The following ERN2 variants were observed in gnomAD, a reference collection of about 807,000 sequenced individuals.
ERN2 encodes the protein serine/threonine-protein kinase/endoribonuclease IRE2.
Under a neutral mutation model 107.9 loss-of-function variants are expected in ERN2, and 111 were observed. The ratio of observed to expected loss-of-function variants is 1.03; its 90% confidence interval spans 0.88 to 1.20. The LOEUF is 1.20. Ranked by LOEUF, ERN2 falls within the 50% of genes most tolerant of loss-of-function variation. ERN2 has a pLI of 0.00. For missense variants in ERN2, 1,225 were observed against 1,197.9 expected, an observed-to-expected ratio of 1.02 and a Z score of -0.33; for synonymous variants, 524 against 501.7, an observed-to-expected ratio of 1.04 and a Z score of -0.59.
At chr16:23,700,431 G>A (rs1959998304) in intron 13 of ERN2, 108 bp downstream of exon 13, 1 of 1,099,394 alleles carries the variant, frequency 9.1e-7, no homozygotes, top group Admixed American at 2.3e-5. Context: ...AATTCATGTA[G>A]ACCTAACCAC....
intron 11 of ERN2, among the ~76,000 whole-genome samples, chr16:23,701,581 C>T (rs942682657): frequency 1.3e-5 from 2 of 151,532 alleles, no homozygotes; most frequent in African/African-American, 2.4e-5. Context: ...ACAATTTTTA[C>T]GCTGAAGAAG....
Position 23,690,655 on chromosome 16 carries a change from C to A in ERN2, c.*176G>T. The A allele has an allele frequency of 1.6e-6, 1 of 612,728 alleles. No individual in the cohort carries two copies. Among genetic ancestry groups the A allele is most frequent in the Non-Finnish European group, 2.9e-6 (1 of 347,730 alleles). The allele number at this position is 612,728 out of a possible 1,614,324, so 38.0% of individuals were successfully genotyped here. A position where few individuals can be genotyped will look rare whatever the true frequency, so the allele number is the denominator to read the frequency against. ...ATTTTTTGTAGAAATGGGGTGTTGC[C>A]ATGTTGGCCAGGCTGGTCTCGAACT... is the stretch of plus-strand genomic sequence containing the variant. On this transcript the variant is annotated 3_prime_UTR_variant, in exon 22 of 22. Transcript: ENST00000256797.
At chr16:23,712,106 C>T (rs1255933117) in intron 1 of ERN2, 4 of 437,084 alleles carry the variant, frequency 9.2e-6, no homozygotes, top group African/African-American at 6.1e-5. Flanking sequence ...TGCTTCAGGA[C>T]CCTCAGGTTT....
chr16:23,710,287 C>G (rs774814039), intron 3 of ERN2, 43 bp from the exon 4 acceptor site: 5 of 1,535,482 alleles, frequency 3.3e-6, no homozygotes, highest in Admixed American at 3.4e-5. Flanking sequence ...GGTTCTTGCC[C>G]CCTGGTTTCA....
chr16:23,711,850 G>A (rs1294680195), intron 1 of ERN2: 2 of 194,664 alleles, frequency 1.0e-5, no homozygotes, highest in Admixed American at 1.2e-4. Flanking sequence ...ACCTCTTTTG[G>A]GATGCCCCTT....
rs567251219 is a variant in ERN2, at chr16:23,706,919, G to A, written c.380-58C>T. On this transcript the variant is annotated intron_variant, in intron 5 of 21. Coordinates refer to ENST00000256797, the MANE Select transcript of ERN2 (RefSeq NM_033266.4). Reference sequence around the variant, plus strand: ...TTGGCATGGGAAGAGGTGTGGCCCCGCCACTCTTGTGCCTAATTAGCCGTC... The same window carrying A: ...TTGGCATGGGAAGAGGTGTGGCCCCACCACTCTTGTGCCTAATTAGCCGTC... 1.3e-4 allele frequency: 200 copies of A among 1,568,586 alleles called. 1 individual carries two copies. Among genetic ancestry groups the A allele is most frequent in the South Asian group, 8.6e-4 (77 of 89,996 alleles).
At chr16:23,713,046 C>A (rs771170796) in intron 1 of ERN2, 49 bp downstream of exon 1, 23 of 1,388,698 alleles carry the variant, frequency 1.7e-5, no homozygotes, top group Non-Finnish European at 2.0e-5. Context: ...CCGCCCCCTG[C>A]GCCCCGCGAC....
In ERN2 at chr16:23,701,383, TC is replaced by T. The variant is rs1300299987; in HGVS notation, c.1204-270del. ...GTCACTAAAAATATAGATGTCCACC[TC>T]CAGAGATCCTAAACGCGTTAGCGCT... On this transcript the variant is annotated intron_variant, in intron 11 of 21. Coordinates refer to ENST00000256797, the MANE Select transcript of ERN2 (RefSeq NM_033266.4). 2.0e-5 allele frequency among the ~76,000 whole-genome samples: 3 copies of T among 152,288 alleles called. No individual in the cohort carries two copies. The East Asian group carries it at 5.8e-4, about 29-fold the overall frequency.
At position 23,695,209 on chromosome 16, in the gene ERN2, G is replaced by A. The variant is rs1304252878; in HGVS notation, c.1791C>T (p.Ser597=). The A allele has an allele frequency of 1.9e-6, 3 of 1,614,038 alleles. No homozygotes were observed. The highest frequency in any genetic ancestry group is 2.5e-6 in the Non-Finnish European group (3 of 1,179,956). Residue 597 remains serine (S), a synonymous_variant, in exon 15 of 22, where the codon TCC becomes TCT. Transcript: ENST00000256797. ...CCGCAATGCAACTCACCTCCTGCAA[G>A]GAGGCCCGGCAGAGCTCCAGGGCAA... The part of the protein sequence containing the change: ...HYIALELCRA[S]LQEYVENPDL...
chr16:23,709,228 C>T (rs774565344), intron 4 of ERN2: 25 of 454,390 alleles, frequency 5.5e-5, no homozygotes, highest in African/African-American at 1.2e-4. Flanking sequence ...GCCAGGAGTT[C>T]GAGGCTGCAG....
intron 16 of ERN2, 22 bp downstream of exon 16, chr16:23,694,997 G>A (rs759953252): frequency 3.1e-6 from 5 of 1,613,232 alleles, no homozygotes; most frequent in Non-Finnish European, 4.2e-6. Context: ...CAGGGAGCGG[G>A]AGGCAGGGGA....
intron 17 of ERN2, among the ~76,000 whole-genome samples, chr16:23,693,625 A>G (rs1355949974): frequency 6.6e-6 from 1 of 151,608 alleles, no homozygotes; most frequent in Non-Finnish European, 1.5e-5. Flanking sequence ...TAGGCCACTA[A>G]TTTAAATATA....
rs764827371 is a variant in ERN2 at position 23,710,565 on chromosome 16, CA to C, written c.200-17del. On this transcript the variant is annotated splice_polypyrimidine_tract_variant and intron_variant, in intron 2 of 21. Coordinates refer to ENST00000256797, the MANE Select transcript of ERN2 (RefSeq NM_033266.4). The stretch of plus-strand genomic sequence containing the variant: ...ATGACGGGATCTGCAGGGACAGGGA[CA>C]CAGAACATAAGCAGTTTCCTCCAGA... 34 of 1,614,004 alleles carry C rather than the reference CA, an allele frequency of 2.1e-5. No homozygotes were observed. The highest frequency in any genetic ancestry group is 2.9e-5 in the Non-Finnish European group (34 of 1,179,990).
intron 4 of ERN2, among the ~76,000 whole-genome samples, chr16:23,708,687 A>G (rs771397999): frequency 3.3e-5 from 5 of 151,978 alleles, no homozygotes; most frequent in Non-Finnish European, 7.4e-5. Context: ...AGTTCTCACG[A>G]GATCTGGTTG....
At position 23,700,917 on chromosome 16, in the gene ERN2, C is replaced by T. The variant is rs143419126; in HGVS notation, c.1359+42G>A. ...GAGTGGTCTCAGAGAGGAGAAGCAG[C>T]GTTCTCCCCAGATAGACCTGAGGTC... On this transcript the variant is annotated intron_variant, in intron 12 of 21. Coordinates refer to ENST00000256797, the MANE Select transcript of ERN2 (RefSeq NM_033266.4). 63 of 1,579,988 alleles carry T rather than the reference C, an allele frequency of 4.0e-5. No homozygotes were observed. In the Middle Eastern group the frequency reaches 6.8e-4, roughly 17 times the overall value.
Position 23,695,917 on chromosome 16 carries a change from C to A in ERN2, c.1587G>T (p.Gly529=). ...ACCGGAAAACGAAAGTCCCGCCTGCCCCGCGGCCCAGCACGTCCTTGGGAT... is the reference window on the plus strand; with the variant it reads ...ACCGGAAAACGAAAGTCCCGCCTGCACCGCGGCCCAGCACGTCCTTGGGAT... ...SFNPKDVLGR[G]AGGTFVFRGQ... is the part of the protein sequence containing the mutation. The change falls in exon 14 of 22, where the codon GGG becomes GGT. Residue 529 remains glycine, a synonymous_variant. Coordinates refer to ENST00000256797, the MANE Select transcript of ERN2 (RefSeq NM_033266.4). The A allele has an allele frequency of 6.2e-7, 1 of 1,614,138 alleles. No individual in the cohort carries two copies. Among genetic ancestry groups the A allele is most frequent in the Non-Finnish European group, 8.5e-7 (1 of 1,180,012 alleles).
chr16:23,700,808 C>T (rs1960031123), intron 12 of ERN2, 104 bp from the exon 13 acceptor site: 7 of 1,488,008 alleles, frequency 4.7e-6, no homozygotes, highest in Admixed American at 2.0e-5. Flanking sequence ...CATGAACTTA[C>T]AGAGCAAGAT....
chr16:23,691,916 C>A (rs771321758), intron 19 of ERN2, 47 bp downstream of exon 19: 1 of 1,594,606 alleles, frequency 6.3e-7, no homozygotes, highest in Non-Finnish European at 8.5e-7. Context: ...TTGCCCAGGA[C>A]CCAAACTTAG....
At chr16:23,697,995 C>G (rs1959898976) in intron 13 of ERN2, among the ~76,000 whole-genome samples, 1 of 152,052 alleles carries the variant, frequency 6.6e-6, no homozygotes, top group Non-Finnish European at 1.5e-5. Context: ...AGCAATCCTC[C>G]CACCTAAGCC....
Sources: allele counts gnomAD v4.1 joint callset (sites outside exome capture counted in the v4.1 genomes callset), GRCh38; gene constraint gnomAD v4.1.1; transcripts MANE v1.5; gene names NCBI Gene and HGNC (gene_info 2026-07-23, HGNC 2026-07-21).